The following KMT2A variants were observed in gnomAD, a reference collection of about 807,000 sequenced individuals.
The protein encoded by KMT2A is histone-lysine N-methyltransferase 2A.
In KMT2A, 16 loss-of-function variants were observed where a neutral mutation model predicts 345.3. The observed-to-expected ratio is 0.05, with a 90% CI of 0.03 to 0.07. The LOEUF is 0.07. Ranked by LOEUF, KMT2A falls within the 10% of genes least tolerant of loss-of-function variation. The probability of loss-of-function intolerance (pLI) is 1.00; values close to 1 mark genes in which losing one functional copy is unlikely to be tolerated. For synonymous variants in KMT2A, 1,599 were observed against 1,778.6 expected, an observed-to-expected ratio of 0.90 and a Z score of 2.54; for missense variants, 3,272 against 4,841.6, an observed-to-expected ratio of 0.68 and a Z score of 9.62.
rs1950440870 is a variant in KMT2A at position 118,498,216 on chromosome 11, A to T, written c.5802+143A>T. On this transcript the variant is annotated intron_variant, in intron 21 of 35. Coordinates refer to ENST00000534358, the MANE Select transcript of KMT2A (RefSeq NM_001197104.2). The surrounding 1 kb of genome is among the most constrained non-coding windows in gnomAD (Gnocchi z 4.4). The stretch of plus-strand genomic sequence containing the variant: ...AACAAGTATTGATATACATAATTCA[A>T]CAGATAAAATGATAAATTTTATCTG... The T allele has an allele frequency of 6.0e-6, 7 of 1,162,710 alleles. No individual in the cohort carries two copies. The allele number at this position is 1,162,710 out of a possible 1,614,324, so 72.0% of individuals were successfully genotyped here.
chr11:118,445,736 C>T (rs1201642896), intron 1 of KMT2A, among the ~76,000 whole-genome samples: 1 of 152,222 alleles, frequency 6.6e-6, no homozygotes, highest in Non-Finnish European at 1.5e-5. Context: ...GGCGCAGTGG[C>T]TCACGCCTAT....
At position 118,473,506 on chromosome 11, in the gene KMT2A, T is replaced by C; in HGVS notation, c.2347T>C (p.Ser783Pro). Residue 783 changes from serine (S) to proline (P), a missense_variant, in exon 3 of 36, where the codon TCT (serine) becomes CCT (proline). Ser to Pro is a moderately conservative substitution (Grantham distance 74, BLOSUM62 -1). This residue lies in a region of KMT2A where 209 missense variants were observed against 237.4 expected (regional missense o/e 0.88). Coordinates refer to ENST00000534358, the MANE Select transcript of KMT2A (RefSeq NM_001197104.2). The surrounding 1 kb of genome is among the most constrained non-coding windows in gnomAD (Gnocchi z 5.2). ...PSSVSSSLSI[S>P]VSPLATSALN... ...TTCTGTCTCTTCCTCGTTAAGCATT[T>C]CTGTTAGTCCTCTTGCCACTAGTGC... 2 of 1,614,192 alleles carry C rather than the reference T, an allele frequency of 1.2e-6. No homozygotes were observed. Among genetic ancestry groups the C allele is most frequent in the Non-Finnish European group, 1.7e-6 (2 of 1,180,044 alleles).
chr11:118,503,980 A>T lies in KMT2A; in HGVS notation c.8088A>T (p.Gly2696=). 6.2e-7 allele frequency: 1 copy of T among 1,614,216 alleles called. No homozygotes were observed. The highest frequency in any genetic ancestry group is 2.2e-5 in the East Asian group (1 of 44,886). ...NFTRTVISSG[G]EERLASHNLF... ...CTAGAACAGTGATTTCTTCAGGTGG[A>T]GAGGAACGACTGGCATCCCATAATT... Residue 2696 remains glycine, a synonymous_variant, in exon 27 of 36, where the codon GGA becomes GGT. Coordinates refer to ENST00000534358, the MANE Select transcript of KMT2A (RefSeq NM_001197104.2). This position sits in a 1 kb window ranked among gnomAD's most constrained non-coding sequence, Gnocchi z 5.3.
intron 10 of KMT2A, among the ~76,000 whole-genome samples, chr11:118,486,138 A>C (rs1555040820): frequency 6.6e-6 from 1 of 152,204 alleles, no homozygotes; most frequent in African/African-American, 2.4e-5. Context: ...TCCTAAAGAT[A>C]ATATATATTA....
chr11:118,455,617 C>T (rs1555030537), intron 1 of KMT2A, among the ~76,000 whole-genome samples: 1 of 152,218 alleles, frequency 6.6e-6, no homozygotes, highest in South Asian at 2.1e-4. Context: ...TTTTACCAAT[C>T]CTCCAATCCT....
At position 118,520,045 on chromosome 11, in the gene KMT2A, G is replaced by A. The variant is rs1950923286; in HGVS notation, c.11410G>A (p.Val3804Ile). Residue 3804 changes from valine to isoleucine, a missense_variant, in exon 33 of 36, where the codon GTA becomes ATA. Val to Ile is a conservative substitution (Grantham distance 29). Around this residue, in one of 27 missense-constraint regions of KMT2A, gnomAD observed 78 missense variants for 254.5 expected, o/e 0.31. Transcript: ENST00000534358. The surrounding 1 kb of genome is among the most constrained non-coding windows in gnomAD (Gnocchi z 4.3). ...YNPNDEEEEE[V>I]QLKSARRATS... Reference sequence around the variant, plus strand: ...CCCCAATGATGAAGAAGAGGAGGAGGTACAGCTGAAGTCAGCTCGGTAAGT... The same window carrying A: ...CCCCAATGATGAAGAAGAGGAGGAGATACAGCTGAAGTCAGCTCGGTAAGT... 1 of 1,613,656 alleles carries A rather than the reference G, an allele frequency of 6.2e-7. No individual in the cohort carries two copies. Among genetic ancestry groups the A allele is most frequent in the Non-Finnish European group, 8.5e-7 (1 of 1,179,572 alleles).
intron 30 of KMT2A, among the ~76,000 whole-genome samples, chr11:118,511,648 C>G (rs949816971): frequency 3.9e-5 from 6 of 152,152 alleles, no homozygotes; most frequent in Non-Finnish European, 7.3e-5. Context: ...AGGTGTGAGA[C>G]CCAGACTTCC....
Position 118,522,275 on chromosome 11 carries a change from C to A in KMT2A, c.*103C>A. The A allele has an allele frequency of 8.2e-7, 1 of 1,214,470 alleles. No individual in the cohort carries two copies. Among genetic ancestry groups the A allele is most frequent in the Non-Finnish European group, 1.2e-6 (1 of 849,940 alleles). The allele number at this position is 1,214,470 out of a possible 1,614,324, so 75.2% of individuals were successfully genotyped here. A position where few individuals can be genotyped will look rare whatever the true frequency, so the allele number is the denominator to read the frequency against. On this transcript the variant is annotated 3_prime_UTR_variant, in exon 36 of 36. Transcript: ENST00000534358. This position sits in a 1 kb window ranked among gnomAD's most constrained non-coding sequence, Gnocchi z 5.4. ...CTGGGAGCTCCCGGATTGCGTGGCACAGCTGAGGGGCCTCTGTGATGGCTG... is the reference window on the plus strand; with the variant it reads ...CTGGGAGCTCCCGGATTGCGTGGCAAAGCTGAGGGGCCTCTGTGATGGCTG...
chr11:118,442,703 A>G (rs1485508433), intron 1 of KMT2A, among the ~76,000 whole-genome samples: 1 of 152,226 alleles, frequency 6.6e-6, no homozygotes, highest in Non-Finnish European at 1.5e-5. Flanking sequence ...TTAATTAAGA[A>G]TACCCTTGTA....
At chr11:118,486,203 T>C (rs781828113) in intron 10 of KMT2A, among the ~76,000 whole-genome samples, 1 of 152,178 alleles carries the variant, frequency 6.6e-6, no homozygotes, top group Non-Finnish European at 1.5e-5. Context: ...AAGATGTCCA[T>C]GACATATCAC....
At chr11:118,489,036 A>G (rs1183860717) in intron 11 of KMT2A, among the ~76,000 whole-genome samples, 2 of 152,138 alleles carry the variant, frequency 1.3e-5, no homozygotes, top group Admixed American at 6.5e-5. Context: ...GCCTGAGCCA[A>G]CATGGTGAAA....
In KMT2A at chr11:118,491,372, A is replaced by G; in HGVS notation, c.4819+54A>G. ...CTTTCTAGGTACTACTACATTTATT[A>G]GCCTCTAGAGCACTTTAAACCTAAA... On this transcript the variant is annotated intron_variant, in intron 14 of 35. Transcript: ENST00000534358. The surrounding 1 kb of genome is among the most constrained non-coding windows in gnomAD (Gnocchi z 4.2). 6.5e-7 allele frequency: 1 copy of G among 1,536,030 alleles called. No homozygotes were observed. Among genetic ancestry groups the G allele is most frequent in the Non-Finnish European group, 8.8e-7 (1 of 1,132,206 alleles).
rs782391557 is a variant in KMT2A at position 118,504,412 on chromosome 11, C to T, written c.8520C>T (p.Asn2840=). 5 of 1,614,088 alleles carry T rather than the reference C, an allele frequency of 3.1e-6. No individual in the cohort carries two copies. The South Asian group carries it at 5.5e-5, about 18-fold the overall frequency. The change falls in exon 27 of 36, where the codon AAC becomes AAT. Residue 2840 remains asparagine (N), a synonymous_variant. Coordinates refer to ENST00000534358, the MANE Select transcript of KMT2A (RefSeq NM_001197104.2). This position sits in a 1 kb window ranked among gnomAD's most constrained non-coding sequence, Gnocchi z 6.4. ...ELLKSDSDNN[N]SDDCGNILPS... ...TGAAATCAGATTCAGACAATAACAA[C>T]AGTGATGACTGTGGGAATATCCTGC...
chr11:118,461,408 G>C (rs1382565242), intron 1 of KMT2A, among the ~76,000 whole-genome samples: 1 of 152,134 alleles, frequency 6.6e-6, no homozygotes, highest in African/African-American at 2.4e-5. Flanking sequence ...AGCTTAATTT[G>C]CTGTCTTAAT....
chr11:118,489,927 A>G (rs1430147793), intron 12 of KMT2A, 40 bp downstream of exon 12: 6 of 1,555,402 alleles, frequency 3.9e-6, no homozygotes, highest in African/African-American at 1.4e-5. Flanking sequence ...GAGAACCACC[A>G]TGTGACTATT....
intron 1 of KMT2A, among the ~76,000 whole-genome samples, chr11:118,465,391 C>G (rs1168411034): frequency 6.6e-6 from 1 of 152,128 alleles, no homozygotes; most frequent in African/African-American, 2.4e-5. Context: ...GTGTCTTGAC[C>G]TTGGAGATTA....
chr11:118,452,448 C>T (rs191201819), intron 1 of KMT2A, among the ~76,000 whole-genome samples: 2 of 152,240 alleles, frequency 1.3e-5, no homozygotes, highest in African/African-American at 4.8e-5. Flanking sequence ...GGGAGCATCA[C>T]TTAAGCCCAG....
intron 8 of KMT2A, among the ~76,000 whole-genome samples, chr11:118,483,539 AT>A (rs2134308881): frequency 6.6e-6 from 1 of 152,324 alleles, no homozygotes; most frequent in East Asian, 1.9e-4. Context: ...TCAAAAAAAA[AT>A]AAAAAGTTTA....
Position 118,522,184 on chromosome 11 carries a change from T to C in KMT2A, c.*12T>C, listed in dbSNP as rs1950984540. 1.2e-6 allele frequency: 2 copies of C among 1,612,366 alleles called. No individual in the cohort carries two copies. Among genetic ancestry groups the C allele is most frequent in the Non-Finnish European group, 1.7e-6 (2 of 1,178,700 alleles). The stretch of plus-strand genomic sequence containing the variant: ...AGTTCCTAAACTAAAGCTGCTCTTC[T>C]CCCCCAGTGTTGGAGTGCAAGGAGG... On this transcript the variant is annotated 3_prime_UTR_variant, in exon 36 of 36. Transcript: ENST00000534358. This position sits in a 1 kb window ranked among gnomAD's most constrained non-coding sequence, Gnocchi z 5.4.
Sources: gnomAD v4.1 joint callset for allele counts (sites outside exome capture counted in the v4.1 genomes callset) on GRCh38, gnomAD v4.1.1 for gene constraint, gnomAD v4.1.1 regional missense constraint, Gnocchi (gnomAD v3.1) non-coding constraint, MANE v1.5 for transcripts, NCBI Gene and HGNC (gene_info 2026-07-23, HGNC 2026-07-21) for gene names.